MTTP: variants seen among roughly 807,000 people sequenced by gnomAD.
The protein encoded by MTTP is microsomal triglyceride transfer protein.
A neutral mutation model predicts 90.6 loss-of-function variants in MTTP; 49 were observed. The observed-to-expected ratio is 0.54, with a 90% CI of 0.43 to 0.69. MTTP has a LOEUF of 0.69. Among genes scored for constraint, MTTP ranks in the 30% least tolerant of loss-of-function variants. The pLI, the probability that MTTP is intolerant of heterozygous loss-of-function variation, is 0.00. For missense variants in MTTP, 945 were observed against 1,067.5 expected, an observed-to-expected ratio of 0.89 and a Z score of 1.60; for synonymous variants, 347 against 384.2, an observed-to-expected ratio of 0.90 and a Z score of 1.13.
Position 99,613,168 on chromosome 4 carries a change from T to C in MTTP, c.2217+28T>C, listed in dbSNP as rs771799395. The C allele has an allele frequency of 2.5e-5, 40 of 1,577,484 alleles. 1 individual carries two copies. In the East Asian group the frequency reaches 6.3e-4, roughly 25 times the overall value. On this transcript the variant is annotated intron_variant, in intron 15 of 17. Coordinates refer to ENST00000265517, the MANE Select transcript of MTTP (RefSeq NM_001386140.1). Reference sequence around the variant, plus strand: ...AATTCATTCAGTCTGTGAGTATTTATTGAGTCCCTAAAATACGCCAGGCAC... The same window carrying C: ...AATTCATTCAGTCTGTGAGTATTTACTGAGTCCCTAAAATACGCCAGGCAC...
chr4:99,599,131 G>A (rs180929478), intron 8 of MTTP, among the ~76,000 whole-genome samples: 1 of 152,224 alleles, frequency 6.6e-6, no homozygotes, highest in African/African-American at 2.4e-5. Flanking sequence ...AAGTTAACAG[G>A]TATGCAAAAA....
At chr4:99,589,148 G>T (rs570719505) in intron 3 of MTTP, among the ~76,000 whole-genome samples, 21 of 143,852 alleles carry the variant, frequency 1.5e-4, no homozygotes, top group African/African-American at 5.4e-4. Context: ...GTTGACCATG[G>T]GTATTATGGC....
chr4:99,621,554 C>T (rs1487823380), intron 17 of MTTP, among the ~76,000 whole-genome samples: 2 of 152,122 alleles, frequency 1.3e-5, no homozygotes, highest in Non-Finnish European at 2.9e-5. Flanking sequence ...AAATCAGATA[C>T]ACATTTACTG....
At position 99,582,015 on chromosome 4, in the gene MTTP, C is replaced by T. The variant is rs761103347; in HGVS notation, c.172C>T (p.Arg58Cys). ...KGKLQDSVGY[R>C]ISSNVDVALL... ...AAAACTGCAAGACAGCGTGGGCTAC[C>T]GCATTTCCTCCAACGTGGATGTGGC... The change falls in exon 2 of 18, where the codon CGC (arginine) becomes TGC (cysteine). Residue 58 changes from arginine (R) to cysteine (C), a missense_variant. Transcript: ENST00000265517. 9.3e-6 allele frequency: 15 copies of T among 1,614,050 alleles called. No individual in the cohort carries two copies. The highest frequency in any genetic ancestry group is 1.2e-5 in the Non-Finnish European group (14 of 1,180,014).
chr4:99,611,291 G>T, intron 13 of MTTP, 41 bp from the exon 14 acceptor site: 1 of 1,613,908 alleles, frequency 6.2e-7, no homozygotes, highest in East Asian at 2.2e-5. Context: ...ACTTAGCATT[G>T]CTGGAACTGC....
chr4:99,581,935 A>T lies in MTTP; in HGVS notation c.92A>T (p.Asp31Val). The T allele has an allele frequency of 6.2e-7, 1 of 1,614,168 alleles. No individual in the cohort carries two copies. Among genetic ancestry groups the T allele is most frequent in the Non-Finnish European group, 8.5e-7 (1 of 1,180,004 alleles). The change falls in exon 2 of 18, where the codon GAC (aspartate) becomes GTC (valine). Residue 31 changes from aspartate to valine, a missense_variant. Physicochemically the swap from Asp to Val is radical, Grantham distance 152 (BLOSUM62 -3). Transcript: ENST00000265517. ...ACAACTGGTCTCTCATTAAATAATG[A>T]CCGGCTGTACAAGCTCACGTACTCC... ...GHTTGLSLNN[D>V]RLYKLTYSTE...
At chr4:99,564,478 T>C (rs1724608825) in intron 1 of MTTP, 3 of 462,772 alleles carry the variant, frequency 6.5e-6, no homozygotes, top group Non-Finnish European at 7.6e-6. Context: ...TGTAAGGCTT[T>C]TTTATGGCTG....
chr4:99,587,649 T>C (rs1196212097), intron 3 of MTTP, among the ~76,000 whole-genome samples: 1 of 152,188 alleles, frequency 6.6e-6, no homozygotes, highest in Non-Finnish European at 1.5e-5. Flanking sequence ...CTGGTATTTT[T>C]CCCACTTAGG....
intron 12 of MTTP, among the ~76,000 whole-genome samples, chr4:99,610,793 C>T (rs1197060469): frequency 2.6e-5 from 4 of 152,172 alleles, no homozygotes; most frequent in Non-Finnish European, 5.9e-5. Flanking sequence ...CCCAGTTTGG[C>T]ACAATTTTCC....
At chr4:99,600,495 T>C in intron 8 of MTTP, 70 bp from the exon 9 acceptor site, 1 of 1,454,518 alleles carries the variant, frequency 6.9e-7, no homozygotes, top group Non-Finnish European at 9.6e-7. Flanking sequence ...AGAAACTCTG[T>C]GAATGGTAGA....
chr4:99,616,806 C>G (rs998627286), intron 15 of MTTP, among the ~76,000 whole-genome samples: 5 of 152,160 alleles, frequency 3.3e-5, no homozygotes, highest in African/African-American at 1.2e-4. Context: ...CTCCTCATAA[C>G]CCACCTTGCA....
intron 1 of MTTP, among the ~76,000 whole-genome samples, chr4:99,580,887 T>G (rs910655753): frequency 6.6e-6 from 1 of 152,206 alleles, no homozygotes; most frequent in African/African-American, 2.4e-5. Flanking sequence ...ATTTTTGCTA[T>G]CACCTTTCTC....
chr4:99,610,813 A>T (rs772761047), intron 12 of MTTP, among the ~76,000 whole-genome samples: 9 of 152,218 alleles, frequency 5.9e-5, no homozygotes, highest in Non-Finnish European at 1.2e-4. Flanking sequence ...CTTTAAGTGT[A>T]TGCACTATTA....
At chr4:99,574,678 A>G, upstream of MTTP, 2 of 927,018 alleles carry the variant, frequency 2.2e-6, no homozygotes, top group Admixed American at 2.3e-5. Context: ...AAAAAATTAA[A>G]AAGAGTGAGA....
chr4:99,602,202 G>C (rs1476201553), intron 10 of MTTP, among the ~76,000 whole-genome samples: 1 of 152,050 alleles, frequency 6.6e-6, no homozygotes, highest in Non-Finnish European at 1.5e-5. Context: ...TAGAAATTTA[G>C]TTACTTTTAA....
intron 1 of MTTP, among the ~76,000 whole-genome samples, chr4:99,576,401 A>G (rs994124711): frequency 6.6e-6 from 1 of 152,206 alleles, no homozygotes; most frequent in Non-Finnish European, 1.5e-5. Context: ...AAATATACTT[A>G]TAAAAAATTT....
intron 5 of MTTP, 50 bp downstream of exon 5, chr4:99,591,401 A>G (rs1485384122): frequency 1.5e-6 from 2 of 1,359,350 alleles, no homozygotes; most frequent in African/African-American, 2.9e-5. Flanking sequence ...TACATTTTGT[A>G]GAGACTAATT....
rs79194015 is a variant in MTTP at position 99,597,326 on chromosome 4, A to T, written c.1067+102A>T. The T allele has an allele frequency of 0.11, 137,654 of 1,276,698 alleles. 8,652 individuals are homozygous for T. The highest frequency in any genetic ancestry group is 0.19 in the Middle Eastern group (966 of 5,212). 79.1% of individuals were successfully genotyped at this position (1,276,698 alleles called of 1,614,324 possible). The stretch of plus-strand genomic sequence containing the variant: ...CCCCTTTTAAACCAACTGCCCCACC[A>T]CCAAAACAATTATTTTCTTGTACTA... On this transcript the variant is annotated intron_variant, in intron 8 of 17. Coordinates refer to ENST00000265517, the MANE Select transcript of MTTP (RefSeq NM_001386140.1).
intron 10 of MTTP, among the ~76,000 whole-genome samples, chr4:99,604,221 C>A (rs1464598739): frequency 6.6e-6 from 1 of 152,098 alleles, no homozygotes. Flanking sequence ...ACACTATATG[C>A]ATGCTGTGTA....
Sources: gnomAD v4.1 joint callset for allele counts (sites outside exome capture counted in the v4.1 genomes callset) on GRCh38, gnomAD v4.1.1 for gene constraint, MANE v1.5 for transcripts, NCBI Gene and HGNC (gene_info 2026-07-23, HGNC 2026-07-21) for gene names.